The following KIF3B variants were observed in gnomAD, a reference collection of about 807,000 sequenced individuals.
KIF3B encodes the protein kinesin-like protein KIF3B.
Under a neutral mutation model 74.3 loss-of-function variants are expected in KIF3B, and 38 were observed. That is an observed-to-expected ratio of 0.51 (90% confidence interval 0.39 to 0.67). KIF3B has a LOEUF of 0.67. Ranked by LOEUF, KIF3B falls within the 30% of genes least tolerant of loss-of-function variation. The probability of loss-of-function intolerance (pLI) is 0.00; values close to 1 mark genes in which losing one functional copy is unlikely to be tolerated. For synonymous variants in KIF3B, 326 were observed against 342.5 expected (o/e 0.95, Z 0.53); for missense variants, 649 against 932.0 (o/e 0.70, Z 3.95).
intron 8 of KIF3B, among the ~76,000 whole-genome samples, chr20:32,330,792 A>C (rs1394694796): frequency 3.9e-5 from 6 of 152,256 alleles, no homozygotes; most frequent in Admixed American, 1.3e-4. Context: ...CCAGATCCAC[A>C]ACCCAGTCTC....
At chr20:32,288,711 T>G (rs2047678248) in intron 1 of KIF3B, among the ~76,000 whole-genome samples, 1 of 152,166 alleles carries the variant, frequency 6.6e-6, no homozygotes. Flanking sequence ...AAACATTTTA[T>G]GTACAGCATT....
At chr20:32,294,937 A>G (rs886556457) in intron 1 of KIF3B, among the ~76,000 whole-genome samples, 3 of 152,144 alleles carry the variant, frequency 2.0e-5, no homozygotes, top group African/African-American at 4.8e-5. Flanking sequence ...TGCCATTTTT[A>G]ATGACTTCAT....
chr20:32,299,379 G>GTGTATATATATATATATATATATATATA (rs1187264463), intron 1 of KIF3B, among the ~76,000 whole-genome samples: 5 of 23,096 alleles, frequency 2.2e-4, no homozygotes, highest in Admixed American at 7.0e-4. Flanking sequence ...TGGTGTGTGT[G>GTGTATATATATATATATATATATATATA]TATATATATA....
chr20:32,323,138 A>T (rs1392519813), intron 5 of KIF3B, among the ~76,000 whole-genome samples: 1 of 93,502 alleles, frequency 1.1e-5, no homozygotes, highest in African/African-American at 4.5e-5. Flanking sequence ...ATATATTTAC[A>T]TATATTTATA....
intron 1 of KIF3B, among the ~76,000 whole-genome samples, chr20:32,297,998 T>C (rs1332923520): frequency 3.3e-5 from 5 of 151,734 alleles, no homozygotes; most frequent in Non-Finnish European, 7.4e-5. Flanking sequence ...CAATCCCAGC[T>C]ACTTGGGAGG....
chr20:32,288,040 G>A (rs1178327011), intron 1 of KIF3B, among the ~76,000 whole-genome samples: 1 of 151,576 alleles, frequency 6.6e-6, no homozygotes, highest in Admixed American at 6.6e-5. Context: ...ACACCACCAC[G>A]CCCAGCTGAT....
chr20:32,313,087 A>G (rs537683518), intron 2 of KIF3B, among the ~76,000 whole-genome samples: 1 of 152,218 alleles, frequency 6.6e-6, no homozygotes, highest in South Asian at 2.1e-4. Context: ...CCTGTGTGCT[A>G]ATATATTTCT....
intron 1 of KIF3B, among the ~76,000 whole-genome samples, chr20:32,303,881 AAAAG>A (rs1232559692): frequency 1.3e-5 from 2 of 151,968 alleles, no homozygotes; most frequent in Non-Finnish European, 2.9e-5. Flanking sequence ...AAAAGAAAGA[AAAAG>A]AAATGTTATT....
chr20:32,311,076 C>T lies in KIF3B; in HGVS notation c.1299C>T (p.Ser433=). 16 of 1,613,750 alleles carry T rather than the reference C, an allele frequency of 9.9e-6. No individual in the cohort carries two copies. The highest frequency in any genetic ancestry group is 1.3e-5 in the Non-Finnish European group (15 of 1,179,932). Residue 433 remains serine (S), a synonymous_variant, in exon 2 of 9, where the codon AGC becomes AGT. Transcript: ENST00000375712. The stretch of plus-strand genomic sequence containing the variant: ...AGCGGGCCATTGTAGAGGATCACAG[C>T]TTGGTTGCAGAGGAGAAGATGAGGC... ...IEKRAIVEDH[S]LVAEEKMRLL...
chr20:32,314,773 G>A (rs2047818748), intron 2 of KIF3B, among the ~76,000 whole-genome samples: 1 of 152,090 alleles, frequency 6.6e-6, no homozygotes, highest in African/African-American at 2.4e-5. Flanking sequence ...CTATCAAAAT[G>A]CTGAAGGCTC....
At position 32,322,678 on chromosome 20, in the gene KIF3B, ATT is replaced by A. The variant is rs1491276972; in HGVS notation, c.1749-4091_1749-4090del. 6.4e-3 allele frequency among the ~76,000 whole-genome samples: 280 copies of A among 43,698 alleles called. 47 individuals carry two copies. In the African/African-American group the frequency reaches 0.067, roughly 10 times the overall value. The allele number at this position is 43,698 out of a possible 152,430, so 28.7% of individuals were successfully genotyped here. ...TATATATTTATATATATATTTATAT[ATT>A]TATATATATTTATATATATTTATAT... On this transcript the variant is annotated intron_variant, in intron 5 of 8. Transcript: ENST00000375712.
chr20:32,326,978 AAGAACAC>A, intron 6 of KIF3B, 94 bp downstream of exon 6: 1 of 682,664 alleles, frequency 1.5e-6, no homozygotes, highest in Non-Finnish European at 2.5e-6. Flanking sequence ...GGGGTTTGAT[AAGAACAC>A]AGTTTGGCTT....
intron 1 of KIF3B, among the ~76,000 whole-genome samples, chr20:32,293,632 A>C (rs2047703157): frequency 6.6e-6 from 1 of 151,874 alleles, no homozygotes; most frequent in African/African-American, 2.4e-5. Context: ...AAAGAAAACA[A>C]CACAAAATGA....
At chr20:32,307,812 G>A (rs951407065) in intron 1 of KIF3B, among the ~76,000 whole-genome samples, 3 of 151,538 alleles carry the variant, frequency 2.0e-5, no homozygotes, top group African/African-American at 7.3e-5. Context: ...CCAGTTACTC[G>A]GGAGGCTGAG....
intron 5 of KIF3B, among the ~76,000 whole-genome samples, chr20:32,319,381 T>C (rs1391969313): frequency 6.6e-6 from 1 of 151,900 alleles, no homozygotes; most frequent in Non-Finnish European, 1.5e-5. Flanking sequence ...ACTAATGATG[T>C]TGAGCATCCT....
chr20:32,287,361 G>T (rs2047672044), intron 1 of KIF3B, among the ~76,000 whole-genome samples: 1 of 151,580 alleles, frequency 6.6e-6, no homozygotes, highest in Non-Finnish European at 1.5e-5. Context: ...TCGCTCCGTT[G>T]CCCAGGCTGG....
At position 32,328,381 on chromosome 20, in the gene KIF3B, G is replaced by A. The variant is rs1022509267; in HGVS notation, c.1968+720G>A. Among the ~76,000 whole-genome samples the A allele has an allele frequency of 4.6e-5, 7 of 151,232 alleles. No homozygotes were observed. In the East Asian group the frequency reaches 9.7e-4, roughly 21 times the overall value. ...GGAGCTTGCAGTGAGCCAAGATCGC[G>A]CCACTGCATTCCAGCCTGGGCAACA... is the stretch of plus-strand genomic sequence containing the variant. On this transcript the variant is annotated intron_variant, in intron 7 of 8. Coordinates refer to ENST00000375712, the MANE Select transcript of KIF3B (RefSeq NM_004798.4).
rs148419700 is a variant in KIF3B at position 32,329,200 on chromosome 20, G to A, written c.1969-941G>A. On this transcript the variant is annotated intron_variant, in intron 7 of 8. Coordinates refer to ENST00000375712, the MANE Select transcript of KIF3B (RefSeq NM_004798.4). The stretch of plus-strand genomic sequence containing the variant: ...TGGGATTACAGGCATGTGCCAACAC[G>A]CTCAGCTAATTTTTGTATATTTAGT... Among the ~76,000 whole-genome samples the A allele has an allele frequency of 3.8e-3, 574 of 151,998 alleles. 1 individual carries two copies. The highest frequency in any genetic ancestry group is 0.017 in the Middle Eastern group (5 of 294).
Position 32,310,031 on chromosome 20 carries a change from T to C in KIF3B, c.254T>C (p.Leu85Pro). The C allele has an allele frequency of 6.2e-7, 1 of 1,614,208 alleles. No homozygotes were observed. The highest frequency in any genetic ancestry group is 8.5e-7 in the Non-Finnish European group (1 of 1,180,030). Residue 85 changes from leucine (L) to proline (P), a missense_variant, in exon 2 of 9, where the codon CTG becomes CCG. Around this residue, in one of 4 missense-constraint regions of KIF3B, gnomAD observed 96 missense variants for 119.0 expected, o/e 0.81. Coordinates refer to ENST00000375712, the MANE Select transcript of KIF3B (RefSeq NM_004798.4). This position sits in a 1 kb window ranked among gnomAD's most constrained non-coding sequence, Gnocchi z 6.5. ...ETFRPLVDSV[L>P]QGFNGTIFAY... ...TTCCGACCACTTGTTGACTCTGTCC[T>C]GCAAGGTTTCAATGGAACCATTTTT...
Sources: gnomAD v4.1 joint callset for allele counts (sites outside exome capture counted in the v4.1 genomes callset) on GRCh38, gnomAD v4.1.1 for gene constraint, gnomAD v4.1.1 regional missense constraint, Gnocchi (gnomAD v3.1) non-coding constraint, MANE v1.5 for transcripts, NCBI Gene and HGNC (gene_info 2026-07-23, HGNC 2026-07-21) for gene names.